SLC1A2: variants seen among roughly 807,000 people sequenced by gnomAD.
SLC1A2 encodes excitatory amino acid transporter 2.
A neutral mutation model predicts 48.8 loss-of-function variants in SLC1A2; 15 were observed. The ratio of observed to expected loss-of-function variants is 0.31; its 90% CI spans 0.21 to 0.47. The LOEUF is 0.47. SLC1A2 is among the 20% of genes least tolerant of loss of function. SLC1A2 has a pLI of 0.99. For synonymous variants in SLC1A2, 279 were observed against 272.6 expected (o/e 1.02, Z -0.23); for missense variants, 502 against 730.5 (o/e 0.69, Z 3.61).
intron 1 of SLC1A2, among the ~76,000 whole-genome samples, chr11:35,399,272 C>T (rs905669925): frequency 6.6e-6 from 1 of 152,134 alleles, no homozygotes; most frequent in Non-Finnish European, 1.5e-5. Flanking sequence ...TCTTCACCAA[C>T]ACTTAGCCTC....
At chr11:35,268,479 C>A (rs1357859166) in intron 9 of SLC1A2, among the ~76,000 whole-genome samples, 1 of 151,908 alleles carries the variant, frequency 6.6e-6, no homozygotes, top group African/African-American at 2.4e-5. Flanking sequence ...GCATTTGAGA[C>A]CAGCCTGGTT....
intron 1 of SLC1A2, among the ~76,000 whole-genome samples, chr11:35,368,297 T>G (rs1853930563): frequency 6.6e-6 from 1 of 152,226 alleles, no homozygotes; most frequent in South Asian, 2.1e-4. Context: ...TTACAGCTTG[T>G]CAGCTGCAGG....
At chr11:35,381,197 C>T (rs767873141) in intron 1 of SLC1A2, among the ~76,000 whole-genome samples, 61 of 152,108 alleles carry the variant, frequency 4.0e-4, no homozygotes, top group African/African-American at 1.4e-3. Context: ...TGTCATCACA[C>T]GGTGATCCAG....
chr11:35,272,929 C>G (rs1850323869), intron 9 of SLC1A2, among the ~76,000 whole-genome samples: 1 of 152,092 alleles, frequency 6.6e-6, no homozygotes, highest in African/African-American at 2.4e-5. Context: ...AAAACAAGTA[C>G]CAAGGTACTC....
At chr11:35,283,812 T>C (rs1850718111) in intron 8 of SLC1A2, among the ~76,000 whole-genome samples, 1 of 152,030 alleles carries the variant, frequency 6.6e-6, no homozygotes, top group South Asian at 2.1e-4. Flanking sequence ...TGACCTGAAG[T>C]ATATTTTCCA....
Position 35,384,655 on chromosome 11 carries a change from T to C in SLC1A2, c.17+34295A>G, listed in dbSNP as rs539922923. Among the ~76,000 whole-genome samples, 3 of 152,362 alleles carry C rather than the reference T, an allele frequency of 2.0e-5. No individual in the cohort carries two copies. The South Asian group carries it at 6.2e-4, about 32-fold the overall frequency. On this transcript the variant is annotated intron_variant, in intron 1 of 10. Transcript: ENST00000278379. ...ACCTATGCATTTCCACTGTGGCATA[T>C]TCACCAGTATCCCAATTTCTGAATG...
At chr11:35,370,873 G>A in intron 1 of SLC1A2, 1 of 800,832 alleles carries the variant, frequency 1.2e-6, no homozygotes, top group Non-Finnish European at 1.5e-6. Context: ...TGCACATGCT[G>A]AGTGGCCCAG....
At chr11:35,393,461 G>A (rs949300064) in intron 1 of SLC1A2, among the ~76,000 whole-genome samples, 32 of 152,196 alleles carry the variant, frequency 2.1e-4, no homozygotes, top group African/African-American at 6.0e-4. Flanking sequence ...GCTCTTCCCC[G>A]GTCATTTTAA....
At chr11:35,291,995 T>G (rs1851024196) in intron 7 of SLC1A2, 1 of 351,912 alleles carries the variant, frequency 2.8e-6, no homozygotes, top group Admixed American at 4.5e-5. Context: ...ACTAAACTAA[T>G]GATTTAAGTG....
intron 1 of SLC1A2, among the ~76,000 whole-genome samples, chr11:35,382,981 T>C (rs1854479781): frequency 6.6e-6 from 1 of 152,132 alleles, no homozygotes; most frequent in African/African-American, 2.4e-5. Context: ...GCCTACACCA[T>C]CTAAGAAAAT....
chr11:35,367,650 G>A (rs756641152), intron 1 of SLC1A2, among the ~76,000 whole-genome samples: 1 of 152,168 alleles, frequency 6.6e-6, no homozygotes, highest in Non-Finnish European at 1.5e-5. Context: ...CTCTGTCCTT[G>A]ACGTTTATTA....
chr11:35,349,714 G>C (rs1283750752), intron 1 of SLC1A2, among the ~76,000 whole-genome samples: 1 of 152,166 alleles, frequency 6.6e-6, no homozygotes, highest in African/African-American at 2.4e-5. Context: ...CATTTCAAAG[G>C]AATCCTAACC....
intron 1 of SLC1A2, among the ~76,000 whole-genome samples, chr11:35,365,808 T>C (rs967851165): frequency 1.3e-5 from 2 of 152,178 alleles, no homozygotes; most frequent in African/African-American, 4.8e-5. Context: ...TTTCAGTTCC[T>C]TGGGAATTAG....
intron 2 of SLC1A2, chr11:35,315,956 C>T (rs1851862298): frequency 6.6e-6 from 1 of 152,220 alleles, no homozygotes; most frequent in Non-Finnish European, 1.5e-5. Flanking sequence ...ATAAAATGAA[C>T]ATTTAATTGA....
intron 1 of SLC1A2, among the ~76,000 whole-genome samples, chr11:35,407,943 C>T (rs1450631122): frequency 1.3e-5 from 2 of 152,328 alleles, no homozygotes; most frequent in East Asian, 3.9e-4. Context: ...CCATAAAGGC[C>T]CCGGCCTGTC....
intron 1 of SLC1A2, among the ~76,000 whole-genome samples, chr11:35,345,446 C>T (rs1422769739): frequency 3.3e-5 from 5 of 152,176 alleles, no homozygotes; most frequent in African/African-American, 1.2e-4. Context: ...AGAGGAAGTG[C>T]TGGGTGATTT....
chr11:35,316,503 TAGCTGTGGCG>T (rs1851882581), intron 2 of SLC1A2: 1 of 152,220 alleles, frequency 6.6e-6, no homozygotes, highest in South Asian at 2.1e-4. Context: ...TAAGTGAACT[TAGCTGTGGCG>T]AGCTCCCAGT....
At chr11:35,391,328 C>T (rs957305894) in intron 1 of SLC1A2, 8 of 152,178 alleles carry the variant, frequency 5.3e-5, no homozygotes, top group African/African-American at 1.9e-4. Flanking sequence ...GCATTGGGTG[C>T]TTATAATCTG....
At chr11:35,397,660 T>C (rs1252549031) in intron 1 of SLC1A2, among the ~76,000 whole-genome samples, 1 of 152,130 alleles carries the variant, frequency 6.6e-6, no homozygotes, top group Non-Finnish European at 1.5e-5. Context: ...AGGTGAGTTT[T>C]TGGGAGGTGA....
Sources: allele counts gnomAD v4.1 joint callset (sites outside exome capture counted in the v4.1 genomes callset), GRCh38; gene constraint gnomAD v4.1.1; transcripts MANE v1.5; gene names NCBI Gene and HGNC (gene_info 2026-07-23, HGNC 2026-07-21).